NAA60: variants seen among roughly 807,000 people sequenced by gnomAD.
NAA60 encodes the protein N-alpha-acetyltransferase 60, NatF catalytic subunit, also known as N-alpha-acetyltransferase 60.
NAA60 carries 8 observed loss-of-function variants against 26.1 expected under a neutral mutation model. The ratio of observed to expected loss-of-function variants is 0.31; its 90% CI spans 0.18 to 0.55. NAA60 has a LOEUF of 0.55. NAA60 is among the 20% of genes least tolerant of loss of function. The pLI is 0.93. For synonymous variants in NAA60, 131 were observed against 122.5 expected (o/e 1.07, Z -0.46); for missense variants, 290 against 311.3 (o/e 0.93, Z 0.51).
At chr16:3,475,184 G>A (rs2036403433) in intron 2 of NAA60, among the ~76,000 whole-genome samples, 1 of 150,856 alleles carries the variant, frequency 6.6e-6, no homozygotes, top group Non-Finnish European at 1.5e-5. Flanking sequence ...CCACCTCCCG[G>A]GTTCAAGCGA....
At position 3,485,470 on chromosome 16, in the gene NAA60, C is replaced by G. The variant is rs1324054062; in HGVS notation, c.*210C>G. The G allele has an allele frequency of 2.2e-6, 1 of 457,212 alleles. No homozygotes were observed. Among genetic ancestry groups the G allele is most frequent in the South Asian group, 1.5e-5 (1 of 64,554 alleles). 28.3% of individuals were successfully genotyped at this position (457,212 alleles called of 1,614,324 possible). On this transcript the variant is annotated 3_prime_UTR_variant, in exon 8 of 8. Transcript: ENST00000407558. ...CCTGCTCTTCTCTTTCCCACAGGCTCTTCAGCTCCCCTCCCTGCTTCTGGA... is the reference window on the plus strand; with the variant it reads ...CCTGCTCTTCTCTTTCCCACAGGCTGTTCAGCTCCCCTCCCTGCTTCTGGA...
At chr16:3,457,964 G>A in intron 2 of NAA60, 1 of 985,094 alleles carries the variant, frequency 1.0e-6, no homozygotes, top group Non-Finnish European at 1.2e-6. Context: ...CAGGGGGCGG[G>A]GCCACGTGGG....
chr16:3,446,325 A>G (rs1390894476), intron 1 of NAA60, among the ~76,000 whole-genome samples: 1 of 152,032 alleles, frequency 6.6e-6, no homozygotes, highest in African/African-American at 2.4e-5. Flanking sequence ...AGGTCAGGAG[A>G]TCGAGACCAT....
intron 2 of NAA60, among the ~76,000 whole-genome samples, chr16:3,463,139 C>T (rs910691997): frequency 1.3e-5 from 2 of 152,012 alleles, no homozygotes; most frequent in South Asian, 2.1e-4. Flanking sequence ...TCAGAGTCAG[C>T]GCTGAGTCTA....
chr16:3,449,863 C>A, intron 2 of NAA60: 1 of 378,464 alleles, frequency 2.6e-6, no homozygotes, highest in East Asian at 3.7e-5. Flanking sequence ...TGCACAAGCC[C>A]TCTTTTGTCT....
rs575667700 is a variant in NAA60 at position 3,470,241 on chromosome 16, C to T, written c.-6-5981C>T. Among the ~76,000 whole-genome samples the T allele has an allele frequency of 3.3e-5, 5 of 152,312 alleles. No individual in the cohort carries two copies. The East Asian group carries it at 9.7e-4, about 29-fold the overall frequency. ...ACCCTGCCCCACAGTGCCTGCACTG[C>T]CCCCAGCAGACAATGCTGGGGGAGC... On this transcript the variant is annotated intron_variant, in intron 2 of 7. Coordinates refer to ENST00000407558, the MANE Select transcript of NAA60 (RefSeq NM_001083601.3).
chr16:3,471,666 G>T (rs1017521594), intron 2 of NAA60, among the ~76,000 whole-genome samples: 12 of 152,118 alleles, frequency 7.9e-5, no homozygotes, highest in Non-Finnish European at 1.5e-5. Flanking sequence ...GTACCGGCTG[G>T]TTTCGCAGGT....
chr16:3,456,035 C>A (rs565208526), intron 2 of NAA60, among the ~76,000 whole-genome samples: 1 of 150,062 alleles, frequency 6.7e-6, no homozygotes, highest in East Asian at 2.0e-4. Context: ...AAGGGATGTA[C>A]ATGCTGTTCT....
At chr16:3,480,718 C>T (rs893505447) in intron 4 of NAA60, among the ~76,000 whole-genome samples, 1 of 152,094 alleles carries the variant, frequency 6.6e-6, no homozygotes, top group Non-Finnish European at 1.5e-5. Context: ...GCCTGGCCAA[C>T]ATCGTGAAAC....
chr16:3,448,418 G>C (rs2034642374), intron 1 of NAA60, 53 bp from the exon 2 acceptor site: 1 of 1,450,640 alleles, frequency 6.9e-7, no homozygotes. Flanking sequence ...ATGAGTTGTA[G>C]AGATGGGATG....
intron 2 of NAA60, among the ~76,000 whole-genome samples, chr16:3,460,021 G>A (rs943209786): frequency 2.6e-5 from 4 of 152,180 alleles, no homozygotes; most frequent in Non-Finnish European, 2.9e-5. Flanking sequence ...CTGGGTGCTC[G>A]TAACTGGAGA....
At chr16:3,450,038 GAGA>G (rs1203622611) in intron 2 of NAA60, 22 of 208,206 alleles carry the variant, frequency 1.1e-4, no homozygotes, top group African/African-American at 6.3e-4. Flanking sequence ...CTCAAAAAAA[GAGA>G]AAAGAAGAAG....
chr16:3,484,934 T>C lies in NAA60; in HGVS notation c.*79T>C, dbSNP rs74870422. Reference sequence around the variant, plus strand: ...GCCTTCCTGTCCATCTGACCCCTTCTGTTTTCTGCAAGGAGCTGCCAGCCA... The same window carrying C: ...GCCTTCCTGTCCATCTGACCCCTTCCGTTTTCTGCAAGGAGCTGCCAGCCA... On this transcript the variant is annotated 3_prime_UTR_variant, in exon 7 of 8. Transcript: ENST00000407558. The C allele has an allele frequency of 6.2e-4, 959 of 1,540,906 alleles. 8 individuals are homozygous for C. In the African/African-American group the frequency reaches 0.011, roughly 18 times the overall value.
chr16:3,480,917 T>C (rs2036790881), intron 4 of NAA60, among the ~76,000 whole-genome samples: 1 of 151,914 alleles, frequency 6.6e-6, no homozygotes, highest in Non-Finnish European at 1.5e-5. Context: ...TATAAATAAG[T>C]AAATAAAAGT....
chr16:3,480,169 A>T (rs1263463611), intron 4 of NAA60, among the ~76,000 whole-genome samples: 1 of 152,154 alleles, frequency 6.6e-6, no homozygotes, highest in Non-Finnish European at 1.5e-5. Context: ...TTTAGTCAAG[A>T]TTCTGTGTGA....
At chr16:3,484,543 C>G (rs2037052812) in intron 6 of NAA60, 156 bp from the exon 7 acceptor site, 11 of 985,262 alleles carry the variant, frequency 1.1e-5, no homozygotes, top group Admixed American at 2.6e-5. Flanking sequence ...GTCTCATGAG[C>G]CTTTCCAGCT....
chr16:3,453,167 C>T (rs986574748), intron 2 of NAA60, among the ~76,000 whole-genome samples: 2 of 151,670 alleles, frequency 1.3e-5, no homozygotes, highest in Non-Finnish European at 2.9e-5. Context: ...GAGGCTGAGG[C>T]AGGCAGATTG....
chr16:3,479,197 G>A lies in NAA60; in HGVS notation c.111-274G>A, dbSNP rs527742997. ...AACGGTTGCAGTGAGCCGAGATCAC[G>A]CCATTGCACTCCAGCCTGGGCAACA... On this transcript the variant is annotated intron_variant, in intron 3 of 7. Coordinates refer to ENST00000407558, the MANE Select transcript of NAA60 (RefSeq NM_001083601.3). Among the ~76,000 whole-genome samples the A allele has an allele frequency of 9.9e-5, 15 of 152,260 alleles. 1 individual carries two copies. Among genetic ancestry groups the A allele is most frequent in the South Asian group, 4.1e-4 (2 of 4,824 alleles).
intron 2 of NAA60, among the ~76,000 whole-genome samples, chr16:3,465,793 A>G (rs900134756): frequency 3.9e-5 from 6 of 152,220 alleles, no homozygotes; most frequent in South Asian, 2.1e-4. Flanking sequence ...AGAAAGCACC[A>G]TGACACCCTG....
Sources: allele counts gnomAD v4.1 joint callset (sites outside exome capture counted in the v4.1 genomes callset), GRCh38; gene constraint gnomAD v4.1.1; transcripts MANE v1.5; gene names NCBI Gene and HGNC (gene_info 2026-07-23, HGNC 2026-07-21).